RREB1: variants seen among roughly 807,000 people sequenced by gnomAD.
RREB1 encodes the protein ras responsive element binding protein 1.
RREB1 carries 27 observed loss-of-function variants against 117.8 expected under a neutral mutation model. The ratio of observed to expected loss-of-function variants is 0.23; its 90% CI spans 0.17 to 0.32. RREB1 has a LOEUF of 0.32. RREB1 is among the 10% of genes least tolerant of loss of function. The pLI, the probability that RREB1 is intolerant of heterozygous loss-of-function variation, is 1.00. For synonymous variants in RREB1, 1,298 were observed against 1,026.7 expected, an observed-to-expected ratio of 1.26 and a Z score of -5.05; for missense variants, 2,577 against 2,378.2, an observed-to-expected ratio of 1.08 and a Z score of -1.74.
At chr6:7,209,298 G>T (rs563007926) in intron 6 of RREB1, among the ~76,000 whole-genome samples, 1 of 152,278 alleles carries the variant, frequency 6.6e-6, no homozygotes, top group East Asian at 1.9e-4. Context: ...GAAAGGGCAG[G>T]TTTGATGCTA....
intron 11 of RREB1, among the ~76,000 whole-genome samples, chr6:7,242,652 C>CA (rs1768780241): frequency 7.0e-6 from 1 of 143,592 alleles, no homozygotes; most frequent in Non-Finnish European, 1.5e-5. Flanking sequence ...TCCCCCCCCC[C>CA]AGTGAAGTTT....
At chr6:7,161,119 C>G (rs1271617674) in intron 1 of RREB1, among the ~76,000 whole-genome samples, 2 of 152,154 alleles carry the variant, frequency 1.3e-5, no homozygotes, top group East Asian at 3.9e-4. Flanking sequence ...GTGTGAGGCA[C>G]AGTGTCCAGC....
intron 1 of RREB1, among the ~76,000 whole-genome samples, chr6:7,127,226 A>G (rs1231373109): frequency 6.6e-6 from 1 of 152,154 alleles, no homozygotes; most frequent in Non-Finnish European, 1.5e-5. Flanking sequence ...GCTTTGGAGC[A>G]GGACTGTGAT....
intron 1 of RREB1, among the ~76,000 whole-genome samples, chr6:7,172,901 G>T (rs1764293828): frequency 6.6e-6 from 1 of 152,178 alleles, no homozygotes; most frequent in African/African-American, 2.4e-5. Context: ...ATTTAGCCTG[G>T]TTTGATTCTG....
chr6:7,161,096 G>C (rs1362854191), intron 1 of RREB1, among the ~76,000 whole-genome samples: 1 of 152,136 alleles, frequency 6.6e-6, no homozygotes, highest in African/African-American at 2.4e-5. Context: ...CTTGCAAAGT[G>C]CTGGGATTAC....
intron 1 of RREB1, among the ~76,000 whole-genome samples, chr6:7,163,806 T>C (rs1019692902): frequency 2.0e-5 from 3 of 152,250 alleles, no homozygotes; most frequent in Non-Finnish European, 4.4e-5. Context: ...ATGAAGCATC[T>C]TCAAGGACTT....
chr6:7,130,386 A>G (rs1751771090), intron 1 of RREB1, among the ~76,000 whole-genome samples: 2 of 152,086 alleles, frequency 1.3e-5, no homozygotes, highest in African/African-American at 4.8e-5. Context: ...TCTGGACGTC[A>G]CCCTGGGTGA....
chr6:7,200,256 G>A (rs1765886969), intron 6 of RREB1, among the ~76,000 whole-genome samples: 1 of 133,044 alleles, frequency 7.5e-6, no homozygotes, highest in Non-Finnish European at 1.5e-5. Flanking sequence ...GTGTGTGTGT[G>A]TGTGTGTGTG....
At chr6:7,238,910 T>C (rs2113158065) in intron 10 of RREB1, among the ~76,000 whole-genome samples, 1 of 152,360 alleles carries the variant, frequency 6.6e-6, no homozygotes, top group African/African-American at 2.4e-5. Context: ...ACTCCTGATG[T>C]GAAATTGTGG....
At chr6:7,215,014 A>G (rs1766821193) in intron 8 of RREB1, 1 of 152,474 alleles carries the variant, frequency 6.6e-6, no homozygotes, top group Non-Finnish European at 1.5e-5. Context: ...TCACCCTGAC[A>G]TGACCAATGG....
chr6:7,201,963 T>C (rs1766011864), intron 6 of RREB1, among the ~76,000 whole-genome samples: 1 of 151,588 alleles, frequency 6.6e-6, no homozygotes, highest in African/African-American at 2.4e-5. Flanking sequence ...CCGTTTTAGA[T>C]AAAAGTGGCT....
At chr6:7,140,855 G>GC (rs1368281500) in intron 1 of RREB1, 1 of 152,326 alleles carries the variant, frequency 6.6e-6, no homozygotes, top group Non-Finnish European at 1.5e-5. Context: ...GCGCGCGCTG[G>GC]CCCCCGAGCG....
intron 10 of RREB1, 104 bp from the exon 11 acceptor site, chr6:7,240,334 G>C (rs1164784952): frequency 2.5e-6 from 2 of 793,722 alleles, no homozygotes; most frequent in South Asian, 2.4e-5. Context: ...GGATGGAGGA[G>C]GGGGGAACAA....
chr6:7,168,241 T>C (rs113656252), intron 1 of RREB1, among the ~76,000 whole-genome samples: 56,747 of 129,578 alleles, frequency 0.44, 14,560 homozygotes, highest in Non-Finnish European at 0.58. Flanking sequence ...GGTGACAGAG[T>C]GAGACTCCGT....
chr6:7,206,436 T>C (rs1766278520), intron 6 of RREB1, among the ~76,000 whole-genome samples: 1 of 152,224 alleles, frequency 6.6e-6, no homozygotes, highest in African/African-American at 2.4e-5. Context: ...CTTCATTCCT[T>C]CCTTCCTTCA....
intron 8 of RREB1, chr6:7,214,555 C>G (rs987554504): frequency 1.3e-5 from 2 of 152,318 alleles, no homozygotes; most frequent in African/African-American, 4.8e-5. Flanking sequence ...CTCCTCTCTG[C>G]TCTGCCGATC....
At chr6:7,226,117 A>G (rs1009978927) in intron 8 of RREB1, among the ~76,000 whole-genome samples, 4 of 152,214 alleles carry the variant, frequency 2.6e-5, no homozygotes, top group African/African-American at 9.6e-5. Context: ...AACCTCTGAC[A>G]TGATCCCATT....
intron 10 of RREB1, among the ~76,000 whole-genome samples, chr6:7,232,768 T>TC (rs1030489565): frequency 1.5e-4 from 22 of 150,638 alleles, no homozygotes; most frequent in South Asian, 4.2e-4. Context: ...TTTTTCTTTT[T>TC]TTTTTTTTTT....
intron 1 of RREB1, among the ~76,000 whole-genome samples, chr6:7,137,026 T>C (rs970202992): frequency 7.2e-5 from 11 of 152,218 alleles, no homozygotes; most frequent in Non-Finnish European, 4.4e-5. Context: ...TGAGATGTTC[T>C]TCGAGAAGAT....
Sources: gnomAD v4.1 joint callset for allele counts (sites outside exome capture counted in the v4.1 genomes callset) on GRCh38, gnomAD v4.1.1 for gene constraint, MANE v1.5 for transcripts, NCBI Gene and HGNC (gene_info 2026-07-23, HGNC 2026-07-21) for gene names.